The following LYZL4 variants were observed in gnomAD, a reference collection of about 807,000 sequenced individuals.
LYZL4 encodes the protein lysozyme like 4.
In LYZL4, 13 loss-of-function variants were observed where a neutral mutation model predicts 17.6. The observed-to-expected ratio is 0.74, with a 90% CI of 0.48 to 1.18. The LOEUF is 1.18. Ranked by LOEUF, LYZL4 falls within the 50% of genes most tolerant of loss-of-function variation. The pLI is 0.00. For synonymous variants in LYZL4, 64 were observed against 67.7 expected (o/e 0.95, Z 0.27); for missense variants, 174 against 188.2 (o/e 0.92, Z 0.44).
chr3:42,406,482 A>C (rs1698755373), intron 3 of LYZL4, among the ~76,000 whole-genome samples: 1 of 145,752 alleles, frequency 6.9e-6, no homozygotes, highest in African/African-American at 2.5e-5. Flanking sequence ...AAAAAAAAAG[A>C]AAGAAAGAAA....
the LYZL4 span, among the ~76,000 whole-genome samples, chr3:42,361,967 C>CT: frequency 6.6e-6 from 1 of 152,162 alleles, no homozygotes; most frequent in African/African-American, 2.4e-5. Context: ...TGTTGTATTC[C>CT]TTTTTTAATT....
chr3:42,369,985 C>A, the LYZL4 span, among the ~76,000 whole-genome samples: 114 of 152,240 alleles, frequency 7.5e-4, no homozygotes, highest in African/African-American at 2.5e-3. Context: ...AATTCAAATC[C>A]AGCCTGGGTA....
downstream of LYZL4, among the ~76,000 whole-genome samples, chr3:42,396,874 C>G (rs1459715739): frequency 6.6e-6 from 1 of 152,260 alleles, no homozygotes; most frequent in Non-Finnish European, 1.5e-5. Flanking sequence ...GTGCCAGCCT[C>G]TCTTCCTCTC....
At chr3:42,370,425 C>T in the LYZL4 span, among the ~76,000 whole-genome samples, 3 of 152,096 alleles carry the variant, frequency 2.0e-5, no homozygotes, top group African/African-American at 7.2e-5. Flanking sequence ...GCTCTTCTGC[C>T]CTCTGTTATG....
chr3:42,396,268 C>G (rs1698548683), downstream of LYZL4, among the ~76,000 whole-genome samples: 1 of 152,182 alleles, frequency 6.6e-6, no homozygotes, highest in South Asian at 2.1e-4. Context: ...AGGTGAAGAA[C>G]TATGTTCTCC....
At chr3:42,395,726 CA>C (rs1298568182), downstream of LYZL4, among the ~76,000 whole-genome samples, 3 of 152,128 alleles carry the variant, frequency 2.0e-5, no homozygotes, top group Non-Finnish European at 4.4e-5. Context: ...CAGCCCCAAA[CA>C]GGGACTTCAG....
the LYZL4 span, among the ~76,000 whole-genome samples, chr3:42,373,851 A>C: frequency 6.6e-6 from 1 of 152,174 alleles, no homozygotes; most frequent in Admixed American, 6.5e-5. Context: ...GGATTACTTG[A>C]GTTCCCTGAA....
chr3:42,368,275 A>G, the LYZL4 span, among the ~76,000 whole-genome samples: 2 of 152,250 alleles, frequency 1.3e-5, no homozygotes, highest in Non-Finnish European at 2.9e-5. Flanking sequence ...AACTACTACT[A>G]TTAAGTTGTT....
rs749233530 is a variant in LYZL4, at chr3:42,407,352, G to C, written c.-92-9C>G. ...GAAGGGAAAGAAGGGCACTGTGGGG[G>C]TGGGGGTGGAGCACAGTTCAGTGTC... On this transcript the variant is annotated splice_polypyrimidine_tract_variant and intron_variant, in intron 1 of 4. Coordinates refer to ENST00000287748, the MANE Select transcript of LYZL4 (RefSeq NM_144634.4). 7.3e-6 allele frequency: 11 copies of C among 1,516,664 alleles called. No individual in the cohort carries two copies. The East Asian group carries it at 2.3e-4, about 31-fold the overall frequency. 94.0% of individuals were successfully genotyped at this position (1,516,664 alleles called of 1,614,324 possible). A position where few individuals can be genotyped will look rare whatever the true frequency, so the allele number is the denominator to read the frequency against.
intron 4 of LYZL4, among the ~76,000 whole-genome samples, chr3:42,397,594 G>T (rs1193371878): frequency 6.6e-6 from 1 of 152,178 alleles, no homozygotes; most frequent in African/African-American, 2.4e-5. Context: ...CACATGGTGA[G>T]ATGAGGAGGC....
chr3:42,386,080 C>T, the LYZL4 span, among the ~76,000 whole-genome samples: 3 of 152,050 alleles, frequency 2.0e-5, no homozygotes, highest in African/African-American at 7.2e-5. Context: ...CATCTCCCCC[C>T]GACCTTCACT....
the LYZL4 span, among the ~76,000 whole-genome samples, chr3:42,387,467 G>A: frequency 3.1e-4 from 47 of 152,278 alleles, no homozygotes; most frequent in East Asian, 4.6e-3. Flanking sequence ...CTGTGAAGGC[G>A]AAACACAGAT....
At chr3:42,383,343 C>G in the LYZL4 span, among the ~76,000 whole-genome samples, 1 of 151,356 alleles carries the variant, frequency 6.6e-6, no homozygotes, top group African/African-American at 2.4e-5. Flanking sequence ...AGTGAAAGAC[C>G]TGACATCAGT....
chr3:42,408,018 A>AG, intron 1 of LYZL4, among the ~76,000 whole-genome samples: 1 of 152,222 alleles, frequency 6.6e-6, no homozygotes, highest in East Asian at 1.9e-4. Context: ...TGGACTCTTG[A>AG]GTTTAACCTT....
At chr3:42,395,293 A>C (rs552873043), downstream of LYZL4, among the ~76,000 whole-genome samples, 39 of 152,318 alleles carry the variant, frequency 2.6e-4, no homozygotes, top group African/African-American at 9.4e-4. Context: ...TAATTTCTTC[A>C]ATTTTTTTCT....
At chr3:42,396,237 T>G (rs761068952), downstream of LYZL4, among the ~76,000 whole-genome samples, 1 of 152,186 alleles carries the variant, frequency 6.6e-6, no homozygotes, top group Non-Finnish European at 1.5e-5. Context: ...CTAGTTCTTT[T>G]CTTCCTGTAT....
chr3:42,373,104 G>A, the LYZL4 span, among the ~76,000 whole-genome samples: 3 of 152,112 alleles, frequency 2.0e-5, no homozygotes, highest in Admixed American at 6.5e-5. Flanking sequence ...CCAGCTACTC[G>A]GGAGGCTGAG....
chr3:42,370,329 C>T, the LYZL4 span, among the ~76,000 whole-genome samples: 2 of 149,570 alleles, frequency 1.3e-5, no homozygotes, highest in Non-Finnish European at 1.5e-5. Context: ...TTTTCCTTCT[C>T]TTTCTCCAGG....
At chr3:42,376,751 G>A in the LYZL4 span, among the ~76,000 whole-genome samples, 1 of 152,090 alleles carries the variant, frequency 6.6e-6, no homozygotes, top group Non-Finnish European at 1.5e-5. Flanking sequence ...TGCCTGCCCT[G>A]GAATAAAAGG....
Sources: allele counts gnomAD v4.1 joint callset (sites outside exome capture counted in the v4.1 genomes callset), GRCh38; gene constraint gnomAD v4.1.1; transcripts MANE v1.5; gene names NCBI Gene and HGNC (gene_info 2026-07-23, HGNC 2026-07-21).